Variants in ZBTB38 observed in about 807,000 individuals in gnomAD.
ZBTB38 encodes zinc finger and BTB domain containing 38.
In ZBTB38, 20 loss-of-function variants were observed where a neutral mutation model predicts 76.8. The ratio of observed to expected loss-of-function variants is 0.26; its 90% confidence interval spans 0.18 to 0.38. The LOEUF is 0.38. Among genes scored for constraint, ZBTB38 ranks in the 10% least tolerant of loss-of-function variants. The pLI is 1.00. For synonymous variants in ZBTB38, 504 were observed against 544.2 expected (o/e 0.93, Z 1.03); for missense variants, 1,082 against 1,482.3 (o/e 0.73, Z 4.43).
intron 5 of ZBTB38, among the ~76,000 whole-genome samples, chr3:141,416,328 T>C (rs1040378449): frequency 6.6e-6 from 1 of 152,196 alleles, no homozygotes; most frequent in Admixed American, 6.5e-5. Context: ...TTTTTGTGAA[T>C]TTATGGTTGT....
chr3:141,425,697 T>C (rs564383639), intron 5 of ZBTB38, among the ~76,000 whole-genome samples: 3 of 152,376 alleles, frequency 2.0e-5, no homozygotes, highest in African/African-American at 7.2e-5. Context: ...TAGGCTAGTG[T>C]GATGCCCTAT....
At chr3:141,377,794 A>G (rs916682659) in intron 2 of ZBTB38, among the ~76,000 whole-genome samples, 6 of 152,240 alleles carry the variant, frequency 3.9e-5, no homozygotes, top group African/African-American at 1.4e-4. Context: ...CTCTTTACAT[A>G]CAATTCAAAT....
At chr3:141,359,341 A>G (rs2148954237) in intron 1 of ZBTB38, among the ~76,000 whole-genome samples, 1 of 152,250 alleles carries the variant, frequency 6.6e-6, no homozygotes, top group East Asian at 1.9e-4. Context: ...TACCCAAGAA[A>G]CTTCCCTTCA....
At chr3:141,342,134 G>A (rs1217580472) in intron 1 of ZBTB38, among the ~76,000 whole-genome samples, 1 of 152,118 alleles carries the variant, frequency 6.6e-6, no homozygotes, top group East Asian at 1.9e-4. Context: ...AGACTATCCT[G>A]GCCAACATGG....
At chr3:141,391,914 C>G (rs1395375459) in intron 4 of ZBTB38, among the ~76,000 whole-genome samples, 1 of 152,096 alleles carries the variant, frequency 6.6e-6, no homozygotes, top group Non-Finnish European at 1.5e-5. Context: ...TTCTAAAGAA[C>G]TAGTGAGGTT....
In ZBTB38 at chr3:141,416,995, C is replaced by T. The variant is rs79192168; in HGVS notation, c.-1+12964C>T. 9.0e-3 allele frequency among the ~76,000 whole-genome samples: 1,369 copies of T among 152,260 alleles called. 25 individuals are homozygous for T. Among genetic ancestry groups the T allele is most frequent in the African/African-American group, 0.032 (1,322 of 41,536 alleles). ...CCAAGTTTGAGGTAATTTGTTACAGCGGCCCCAGGAAACAAGTACAGTGTC... is the reference window on the plus strand; with the variant it reads ...CCAAGTTTGAGGTAATTTGTTACAGTGGCCCCAGGAAACAAGTACAGTGTC... On this transcript the variant is annotated intron_variant, in intron 5 of 5. Transcript: ENST00000321464.
intron 5 of ZBTB38, among the ~76,000 whole-genome samples, chr3:141,433,345 G>C (rs1462784479): frequency 7.1e-6 from 1 of 140,162 alleles, no homozygotes; most frequent in Non-Finnish European, 1.5e-5. Context: ...TGTTTTTTTT[G>C]GTTAGCACAG....
chr3:141,403,149 G>C (rs767907284), intron 4 of ZBTB38: 1 of 152,214 alleles, frequency 6.6e-6, no homozygotes, highest in South Asian at 2.1e-4. Flanking sequence ...CTGCACTGCG[G>C]TAGGTAAGTG....
At chr3:141,359,846 G>A (rs556638821) in intron 1 of ZBTB38, among the ~76,000 whole-genome samples, 95 of 152,214 alleles carry the variant, frequency 6.2e-4, no homozygotes, top group African/African-American at 2.3e-3. Context: ...TGGGAGGATT[G>A]CTTGAGCCCT....
chr3:141,338,002 G>A (rs1449524579), intron 1 of ZBTB38, among the ~76,000 whole-genome samples: 5 of 152,096 alleles, frequency 3.3e-5, no homozygotes, highest in African/African-American at 1.2e-4. Flanking sequence ...GAATACATCA[G>A]TAAACAAGGT....
Position 141,360,053 on chromosome 3 carries a change from T to A in ZBTB38, c.-738-8568T>A, listed in dbSNP as rs139355183. On this transcript the variant is annotated intron_variant, in intron 1 of 7. Transcript: ENST00000509842. ...AACAGTGCTTCCTATAAAGTGCCCA[T>A]AATAATAAATACAAAAACAACAAAA... 9.9e-4 allele frequency among the ~76,000 whole-genome samples: 151 copies of A among 152,272 alleles called. 2 individuals carry two copies. The highest frequency in any genetic ancestry group is 3.6e-3 in the African/African-American group (148 of 41,552).
Position 141,443,711 on chromosome 3 carries a change from A to C in ZBTB38, c.1323A>C (p.Gly441=). The C allele has an allele frequency of 6.2e-7, 1 of 1,614,040 alleles. No homozygotes were observed. Among genetic ancestry groups the C allele is most frequent in the Non-Finnish European group, 8.5e-7 (1 of 1,180,042 alleles). Residue 441 remains glycine (G), a synonymous_variant, in exon 6 of 6, where the codon GGA becomes GGC. Transcript: ENST00000321464. This position sits in a 1 kb window ranked among gnomAD's most constrained non-coding sequence, Gnocchi z 5.6. ...GGATTGGTGAATTTTCCAGTACCGGAAGTACTTTGCCAGACACGGACCACA... is the reference window on the plus strand; with the variant it reads ...GGATTGGTGAATTTTCCAGTACCGGCAGTACTTTGCCAGACACGGACCACA... ...ENRIGEFSST[G]STLPDTDHMV... is the part of the protein sequence containing the mutation.
chr3:141,397,263 G>A (rs1950558734), intron 4 of ZBTB38, among the ~76,000 whole-genome samples: 1 of 152,104 alleles, frequency 6.6e-6, no homozygotes, highest in East Asian at 1.9e-4. Flanking sequence ...ACCAACCTCT[G>A]CTTGCTCCAC....
At chr3:141,340,291 T>C (rs1042855228) in intron 1 of ZBTB38, among the ~76,000 whole-genome samples, 3 of 152,212 alleles carry the variant, frequency 2.0e-5, no homozygotes, top group African/African-American at 4.8e-5. Flanking sequence ...TGTATTTTTC[T>C]TATAGTCTAA....
chr3:141,354,950 A>G (rs766765270), intron 1 of ZBTB38, among the ~76,000 whole-genome samples: 53 of 151,964 alleles, frequency 3.5e-4, no homozygotes, highest in Non-Finnish European at 6.5e-4. Context: ...TCCTGTTTTC[A>G]TCTTATTTTT....
At chr3:141,364,363 G>C (rs1315129276), upstream of ZBTB38, among the ~76,000 whole-genome samples, 1 of 149,608 alleles carries the variant, frequency 6.7e-6, no homozygotes, top group African/African-American at 2.5e-5. Flanking sequence ...GATATATAAA[G>C]AATCCCTAAA....
chr3:141,369,493 C>T (rs1377063315), intron 1 of ZBTB38, among the ~76,000 whole-genome samples: 2 of 152,174 alleles, frequency 1.3e-5, no homozygotes, highest in African/African-American at 4.8e-5. Context: ...TATAATTTCA[C>T]GACCTCTGGA....
At chr3:141,334,405 T>TTTCCTTCCTTCCTTCC (rs56692861) in intron 1 of ZBTB38, among the ~76,000 whole-genome samples, 84 of 130,242 alleles carry the variant, frequency 6.4e-4, no homozygotes, top group African/African-American at 2.3e-3. Flanking sequence ...TCCTTCCTTC[T>TTTCCTTCCTTCCTTCC]TTCCTTCCTT....
At chr3:141,331,963 A>G (rs6765857) in intron 1 of ZBTB38, among the ~76,000 whole-genome samples, 52,465 of 152,020 alleles carry the variant, frequency 0.35, 9,714 homozygotes, top group Non-Finnish European at 0.4. Context: ...AAGATAATGC[A>G]CTTGCCTTCA....
Sources: allele counts gnomAD v4.1 joint callset (sites outside exome capture counted in the v4.1 genomes callset), GRCh38; gene constraint gnomAD v4.1.1; non-coding constraint Gnocchi (gnomAD v3.1); transcripts MANE v1.5; gene names NCBI Gene and HGNC (gene_info 2026-07-23, HGNC 2026-07-21).